The following ATXN2L variants were observed in gnomAD, a reference collection of about 807,000 sequenced individuals.
ATXN2L encodes the protein ataxin 2 like.
A neutral mutation model predicts 120.7 loss-of-function variants in ATXN2L; 24 were observed. The observed-to-expected ratio is 0.20, with a 90% confidence interval of 0.14 to 0.28. ATXN2L has a LOEUF of 0.28. ATXN2L is among the 10% of genes least tolerant of loss of function. The pLI, the probability that ATXN2L is intolerant of heterozygous loss-of-function variation, is 1.00. For synonymous variants in ATXN2L, 653 were observed against 568.1 expected (o/e 1.15, Z -2.13); for missense variants, 1,312 against 1,432.3 (o/e 0.92, Z 1.36).
chr16:28,831,008 C>G lies in ATXN2L; in HGVS notation c.1257C>G (p.Ala419=), dbSNP rs776813801. 15 of 1,609,668 alleles carry G rather than the reference C, an allele frequency of 9.3e-6. No individual in the cohort carries two copies. The South Asian group carries it at 1.7e-4, about 18-fold the overall frequency. The part of the protein sequence containing the change: ...SPKAQRPLRG[A]KTLSSPSNRP... ...AGGCACAACGGCCTCTGAGAGGTGC[C>G]AAGACTCTGTCTTCGCCCAGTAATA... Residue 419 remains alanine, a synonymous_variant, in exon 10 of 22, where the codon GCC becomes GCG. Coordinates refer to ENST00000336783, the MANE Select transcript of ATXN2L (RefSeq NM_007245.4).
chr16:28,827,719 C>T (rs987713288), intron 6 of ATXN2L, among the ~76,000 whole-genome samples: 1 of 152,082 alleles, frequency 6.6e-6, no homozygotes, highest in Non-Finnish European at 1.5e-5. Flanking sequence ...CCAGTCTGAG[C>T]GACAGTGAGG....
Position 28,823,322 on chromosome 16 carries a change from G to T in ATXN2L, c.63G>T (p.Gln21His). ...SQPQQPPPTQ[Q>H]AVARRPPGGT... ...CCCAGCAGCCGCCCCCCACGCAACA[G>T]GCCGTGGCCCGTCGGCCCCCCGGGG... The change falls in exon 1 of 22, where the codon CAG becomes CAT. Residue 21 changes from glutamine (Q) to histidine (H), a missense_variant. Gln to His is a conservative substitution (Grantham distance 24). Transcript: ENST00000336783. 2 of 1,424,196 alleles carry T rather than the reference G, an allele frequency of 1.4e-6. No individual in the cohort carries two copies. The highest frequency in any genetic ancestry group is 2.8e-5 in the East Asian group (1 of 36,150). 88.2% of individuals were successfully genotyped at this position (1,424,196 alleles called of 1,614,324 possible). A position where few individuals can be genotyped will look rare whatever the true frequency, so the allele number is the denominator to read the frequency against.
At chr16:28,825,520 G>T in intron 2 of ATXN2L, 104 bp from the exon 3 acceptor site, 2 of 1,534,254 alleles carry the variant, frequency 1.3e-6, no homozygotes, top group South Asian at 2.2e-5. Flanking sequence ...CTGTGGGCCC[G>T]GCACACACAA....
At chr16:28,823,752 G>A (rs1388386216) in intron 1 of ATXN2L, 194 bp downstream of exon 1, 2 of 508,318 alleles carry the variant, frequency 3.9e-6, no homozygotes, top group East Asian at 3.6e-5. Context: ...CCGGAGCACT[G>A]AGGGGCCGCG....
At chr16:28,830,824 G>A in intron 9 of ATXN2L, 34 bp downstream of exon 9, 1 of 1,565,798 alleles carries the variant, frequency 6.4e-7, no homozygotes, top group Non-Finnish European at 8.6e-7. Flanking sequence ...GAAGAGGGCA[G>A]GGAAGGGGAT....
chr16:28,836,805 T>TC lies in ATXN2L; in HGVS notation c.*542dup. 1 of 1,613,336 alleles carries TC rather than the reference T, an allele frequency of 6.2e-7. No homozygotes were observed. The highest frequency in any genetic ancestry group is 1.1e-5 in the South Asian group (1 of 91,052). On this transcript the variant is annotated 3_prime_UTR_variant, in exon 22 of 22. Transcript: ENST00000336783. ...ATTGTCCTGGCCGCGACCTGAGACCTCCATGAGTGGAGGGAAGAGTGATCT... is the reference window on the plus strand; with the variant it reads ...ATTGTCCTGGCCGCGACCTGAGACCTCCCATGAGTGGAGGGAAGAGTGATCT...
rs754748864 is a variant in ATXN2L at position 28,823,227 on chromosome 16, TTCTC to T, written c.-29_-26del. 103 of 1,220,184 alleles carry T rather than the reference TTCTC, an allele frequency of 8.4e-5. 1 individual carries two copies. In the Middle Eastern group the frequency reaches 1.3e-3, roughly 15 times the overall value. 75.6% of individuals were successfully genotyped at this position (1,220,184 alleles called of 1,614,324 possible). A position where few individuals can be genotyped will look rare whatever the true frequency, so the allele number is the denominator to read the frequency against. ...AGCCCCGGCCCCCTCTCTCCCTCCC[TTCTC>T]TCTAATTCCCCTTCCGGACGCTGCC... On this transcript the variant is annotated 5_prime_UTR_variant, in exon 1 of 22. Transcript: ENST00000336783.
At chr16:28,824,695 C>A in intron 1 of ATXN2L, 1 of 785,016 alleles carries the variant, frequency 1.3e-6, no homozygotes, top group Non-Finnish European at 1.7e-6. Flanking sequence ...TCCAAAGCTG[C>A]ACTCCTGGAG....
In ATXN2L at chr16:28,835,537, C is replaced by T. The variant is rs375987163; in HGVS notation, c.2686-12C>T. On this transcript the variant is annotated splice_polypyrimidine_tract_variant and intron_variant, in intron 20 of 21. Coordinates refer to ENST00000336783, the MANE Select transcript of ATXN2L (RefSeq NM_007245.4). ...TGGCCTGTGTGGCACTCAACCTTCC[C>T]CTCCCCAGCAGCATCAGGCGGGGCA... 2 of 1,613,030 alleles carry T rather than the reference C, an allele frequency of 1.2e-6. No homozygotes were observed. Among genetic ancestry groups the T allele is most frequent in the Non-Finnish European group, 1.7e-6 (2 of 1,179,808 alleles).
At chr16:28,831,314 A>C (rs184869232) in intron 10 of ATXN2L, among the ~76,000 whole-genome samples, 1 of 151,934 alleles carries the variant, frequency 6.6e-6, no homozygotes, top group Admixed American at 6.6e-5. Context: ...TCAGTTGCTA[A>C]GTTTTGTTTT....
chr16:28,825,634 G>A lies in ATXN2L; in HGVS notation c.347G>A (p.Gly116Asp). The change falls in exon 3 of 22, where the codon GGC becomes GAC. Residue 116 changes from glycine (G) to aspartate (D), a missense_variant. Coordinates refer to ENST00000336783, the MANE Select transcript of ATXN2L (RefSeq NM_007245.4). ...KGPPQSPVFE[G>D]VYNNSRMLHF... ...TATGTTAACTGACAGGTGTTTGAAG[G>A]CGTCTACAACAATTCCAGAATGCTG... The A allele has an allele frequency of 6.2e-7, 1 of 1,614,098 alleles. No individual in the cohort carries two copies. Among genetic ancestry groups the A allele is most frequent in the Non-Finnish European group, 8.5e-7 (1 of 1,179,940 alleles).
intron 15 of ATXN2L, 58 bp downstream of exon 15, chr16:28,833,566 T>C: frequency 1.3e-6 from 2 of 1,535,246 alleles, no homozygotes; most frequent in South Asian, 1.1e-5. Flanking sequence ...TGGGCAGTGC[T>C]TATAGATGAA....
intron 12 of ATXN2L, 66 bp from the exon 13 acceptor site, chr16:28,832,751 G>A: frequency 1.3e-6 from 2 of 1,538,996 alleles, no homozygotes; most frequent in Non-Finnish European, 1.8e-6. Context: ...TGTTCTTTTG[G>A]CACTGTGTAG....
rs941112462 is a variant in ATXN2L at position 28,835,048 on chromosome 16, G to C, written c.2434-10G>C. ...GGCTGTGCCAACCACTCCTCTCTCT[G>C]TCCCGCCAGCCGGTGTTTGCCCCCA... On this transcript the variant is annotated splice_polypyrimidine_tract_variant and intron_variant, in intron 18 of 21. Transcript: ENST00000336783. 3.1e-6 allele frequency: 5 copies of C among 1,605,620 alleles called. No homozygotes were observed. In the African/African-American group the frequency reaches 4.0e-5, roughly 13 times the overall value.
At position 28,834,626 on chromosome 16, in the gene ATXN2L, C is replaced by A; in HGVS notation, c.2366C>A (p.Pro789His). Residue 789 changes from proline to histidine, a missense_variant, in exon 18 of 22, where the codon CCC (proline) becomes CAC (histidine). Transcript: ENST00000336783. ...GCCACGCCCTATTCTTCCTACATCCCCTACAACCCTCAGCAGTTCCCAGGC... is the reference window on the plus strand; with the variant it reads ...GCCACGCCCTATTCTTCCTACATCCACTACAACCCTCAGCAGTTCCCAGGC... ...VAATPYSSYIPYNPQQFPGQP... is the reference protein window; with the variant it reads ...VAATPYSSYIHYNPQQFPGQP... 6.2e-7 allele frequency: 1 copy of A among 1,613,976 alleles called. No individual in the cohort carries two copies. Among genetic ancestry groups the A allele is most frequent in the Non-Finnish European group, 8.5e-7 (1 of 1,180,004 alleles).
rs1959432117 is a variant in ATXN2L, at chr16:28,834,782, G to A, written c.2433+89G>A. ...GAGACTTGGGAGCTGGCTAGGGGTG[G>A]CAGGCAGTGTTGTAGGTGGGATCGG... On this transcript the variant is annotated intron_variant, in intron 18 of 21. Coordinates refer to ENST00000336783, the MANE Select transcript of ATXN2L (RefSeq NM_007245.4). 1.7e-5 allele frequency: 24 copies of A among 1,446,538 alleles called. No homozygotes were observed. In the South Asian group the frequency reaches 3.1e-4, roughly 18 times the overall value. 89.6% of individuals were successfully genotyped at this position (1,446,538 alleles called of 1,614,324 possible).
chr16:28,830,136 TGTG>T, intron 8 of ATXN2L, 78 bp downstream of exon 8: 2 of 1,392,758 alleles, frequency 1.4e-6, no homozygotes, highest in Non-Finnish European at 9.7e-7. Context: ...TGATGAGTGC[TGTG>T]GTTTAAGCCT....
chr16:28,825,554 G>T, intron 2 of ATXN2L, 70 bp from the exon 3 acceptor site: 1 of 1,557,792 alleles, frequency 6.4e-7, no homozygotes, highest in Non-Finnish European at 8.9e-7. Flanking sequence ...GAGTGCGGCG[G>T]GCATTTAGAA....
Position 28,823,297 on chromosome 16 carries a change from C to T in ATXN2L, c.38C>T (p.Pro13Leu), listed in dbSNP as rs200105918. 9 of 1,497,722 alleles carry T rather than the reference C, an allele frequency of 6.0e-6. No individual in the cohort carries two copies. Among genetic ancestry groups the T allele is most frequent in the Non-Finnish European group, 8.0e-6 (9 of 1,124,932 alleles). The allele number at this position is 1,497,722 out of a possible 1,614,324, so 92.8% of individuals were successfully genotyped here. Residue 13 changes from proline (P) to leucine (L), a missense_variant, in exon 1 of 22, where the codon CCC (proline) becomes CTC (leucine). Physicochemically the swap from Pro to Leu is moderately conservative, Grantham distance 98. Coordinates refer to ENST00000336783, the MANE Select transcript of ATXN2L (RefSeq NM_007245.4). ...KPQPLQQPSQ[P>L]QQPPPTQQAV... is the part of the protein sequence containing the mutation. ...CAGCCGCTACAACAGCCCTCCCAGC[C>T]CCAGCAGCCGCCCCCCACGCAACAG...
Sources: allele counts gnomAD v4.1 joint callset (sites outside exome capture counted in the v4.1 genomes callset), GRCh38; gene constraint gnomAD v4.1.1; transcripts MANE v1.5; gene names NCBI Gene and HGNC (gene_info 2026-07-23, HGNC 2026-07-21).